Variants in CIPC observed in about 807,000 individuals in gnomAD.
CIPC encodes CLOCK-interacting pacemaker.
A neutral mutation model predicts 26.7 loss-of-function variants in CIPC; 12 were observed. The observed-to-expected ratio is 0.45, with a 90% CI of 0.29 to 0.73. CIPC has a LOEUF of 0.73. CIPC is among the 30% of genes least tolerant of loss of function. CIPC has a pLI of 0.12. For missense variants in CIPC, 417 were observed against 486.5 expected (o/e 0.86, Z 1.34); for synonymous variants, 170 against 189.8 (o/e 0.90, Z 0.86).
intron 2 of CIPC, among the ~76,000 whole-genome samples, chr14:77,108,702 A>G (rs12894900): frequency 4.3e-4 from 66 of 151,906 alleles, no homozygotes; most frequent in Admixed American, 7.2e-4. Flanking sequence ...AAAAAAAAAA[A>G]GGGGGTGATC....
intron 2 of CIPC, 31 bp downstream of exon 2, chr14:77,105,875 G>C (rs759365469): frequency 6.2e-7 from 1 of 1,610,762 alleles, no homozygotes; most frequent in Non-Finnish European, 8.5e-7. Context: ...CCTCTGTTTT[G>C]TGAGTGAATG....
In CIPC at chr14:77,117,225, A is replaced by C. The variant is rs544973150; in HGVS notation, c.*2907A>C. On this transcript the variant is annotated 3_prime_UTR_variant, in exon 4 of 4. Transcript: ENST00000361786. ...ATGTGAATTCTTTTGAGAAAGTATG[A>C]AGTTTTGCAGAAATTGACTGTGAAA... 1 of 152,730 alleles carries C rather than the reference A, an allele frequency of 6.5e-6. No homozygotes were observed. Among genetic ancestry groups the C allele is most frequent in the South Asian group, 2.1e-4 (1 of 4,832 alleles). 9.5% of individuals were successfully genotyped at this position (152,730 alleles called of 1,614,324 possible).
In CIPC at chr14:77,105,688, C is replaced by T. The variant is rs1170060628; in HGVS notation, c.-21C>T. The T allele has an allele frequency of 1.2e-6, 2 of 1,609,396 alleles. No homozygotes were observed. The highest frequency in any genetic ancestry group is 4.5e-5 in the East Asian group (2 of 44,822). ...CCAGATGAAAAGAGTACCAATGAAT[C>T]TGCCTCCAGCTGAATAAACCATGGA... On this transcript the variant is annotated 5_prime_UTR_variant, in exon 2 of 4. Coordinates refer to ENST00000361786, the MANE Select transcript of CIPC (RefSeq NM_033426.3).
Position 77,113,699 on chromosome 14 carries a change from G to A in CIPC, c.581G>A (p.Gly194Glu). The A allele has an allele frequency of 6.2e-7, 1 of 1,612,708 alleles. No individual in the cohort carries two copies. The highest frequency in any genetic ancestry group is 8.5e-7 in the Non-Finnish European group (1 of 1,179,116). Residue 194 changes from glycine (G) to glutamate (E), a missense_variant, in exon 4 of 4, where the codon GGG becomes GAG. Gly to Glu is a moderately conservative substitution (Grantham distance 98). Transcript: ENST00000361786. The stretch of plus-strand genomic sequence containing the variant: ...AAGAAAATCTGTACTGAGAGACTTG[G>A]GCCTAGCTTGTCTTCCAGTGAGCCA... ...VQKKICTERLGPSLSSSEPTK... is the reference protein window; with the variant it reads ...VQKKICTERLEPSLSSSEPTK...
Position 77,105,686 on chromosome 14 carries a change from A to G in CIPC, c.-23A>G, listed in dbSNP as rs1406204176. ...GTCCAGATGAAAAGAGTACCAATGAATCTGCCTCCAGCTGAATAAACCATG... is the reference window on the plus strand; with the variant it reads ...GTCCAGATGAAAAGAGTACCAATGAGTCTGCCTCCAGCTGAATAAACCATG... On this transcript the variant is annotated 5_prime_UTR_variant, in exon 2 of 4. Transcript: ENST00000361786. 2 of 1,609,716 alleles carry G rather than the reference A, an allele frequency of 1.2e-6. No individual in the cohort carries two copies. The highest frequency in any genetic ancestry group is 2.7e-5 in the African/African-American group (2 of 74,586).
rs113529462 is a variant in CIPC at position 77,107,669 on chromosome 14, G to C, written c.136+1825G>C. 5.0e-3 allele frequency among the ~76,000 whole-genome samples: 646 copies of C among 128,724 alleles called. 3 individuals are homozygous for C. The highest frequency in any genetic ancestry group is 7.9e-3 in the Non-Finnish European group (435 of 55,176). 84.4% of individuals were successfully genotyped at this position (128,724 alleles called of 152,430 possible). On this transcript the variant is annotated intron_variant, in intron 2 of 3. Coordinates refer to ENST00000361786, the MANE Select transcript of CIPC (RefSeq NM_033426.3). Reference sequence around the variant, plus strand: ...ACACACACACACACACTCTCTCTCTGAATTATTTGAAAGTAAATTGCAAAC... The same window carrying C: ...ACACACACACACACACTCTCTCTCTCAATTATTTGAAAGTAAATTGCAAAC...
intron 1 of CIPC, 36 bp downstream of exon 1, chr14:77,098,397 G>GC: frequency 6.5e-6 from 1 of 153,154 alleles, no homozygotes; most frequent in Middle Eastern, 3.4e-3. Flanking sequence ...GAGGAGGGGA[G>GC]CAGGGATGAC....
At position 77,117,004 on chromosome 14, in the gene CIPC, T is replaced by C. The variant is rs1421116779; in HGVS notation, c.*2686T>C. On this transcript the variant is annotated 3_prime_UTR_variant, in exon 4 of 4. Transcript: ENST00000361786. ...CATTATTGAAATATATATAGAAAAG[T>C]TGCTGATTGCAATGGTTATGGGAAT... 6.6e-6 allele frequency: 1 copy of C among 152,258 alleles called. No individual in the cohort carries two copies. The highest frequency in any genetic ancestry group is 1.5e-5 in the Non-Finnish European group (1 of 68,042). The allele number at this position is 152,258 out of a possible 1,614,324, so 9.4% of individuals were successfully genotyped here.
chr14:77,110,115 CT>C, intron 3 of CIPC, 134 bp downstream of exon 3: 1 of 790,272 alleles, frequency 1.3e-6, no homozygotes, highest in Non-Finnish European at 2.0e-6. Context: ...CCAATGTGTA[CT>C]TTCTGTCCTG....
rs985747159 is a variant in CIPC at position 77,117,167 on chromosome 14, A to G, written c.*2849A>G. 7 of 152,638 alleles carry G rather than the reference A, an allele frequency of 4.6e-5. No individual in the cohort carries two copies. Among genetic ancestry groups the G allele is most frequent in the South Asian group, 2.1e-4 (1 of 4,836 alleles). The allele number at this position is 152,638 out of a possible 1,614,324, so 9.5% of individuals were successfully genotyped here. ...CATATATTGAAGTGGTTTTTCAGCT[A>G]TGAATTCTTTAGGGTAGAAATTTAT... On this transcript the variant is annotated 3_prime_UTR_variant, in exon 4 of 4. Transcript: ENST00000361786.
At chr14:77,106,888 G>A (rs1026687565) in intron 2 of CIPC, among the ~76,000 whole-genome samples, 1 of 152,186 alleles carries the variant, frequency 6.6e-6, no homozygotes, top group Non-Finnish European at 1.5e-5. Context: ...ACAGTCCAGG[G>A]AAGGGCGGGC....
At chr14:77,101,899 A>G (rs1886493605) in intron 1 of CIPC, among the ~76,000 whole-genome samples, 1 of 152,148 alleles carries the variant, frequency 6.6e-6, no homozygotes, top group Admixed American at 6.5e-5. Flanking sequence ...CAGCTTGGGC[A>G]ACATAGCAAG....
chr14:77,114,092 A>C lies in CIPC; in HGVS notation c.974A>C (p.His325Pro), dbSNP rs368727175. ...TTTCAGAATACCCTAGTAGTCCTAC[A>C]TAAATCTGGTTTGCTGGAGATCACT... is the stretch of plus-strand genomic sequence containing the variant. ...RRFQNTLVVL[H>P]KSGLLEITLK... Residue 325 changes from histidine to proline, a missense_variant, in exon 4 of 4, where the codon CAT becomes CCT. Coordinates refer to ENST00000361786, the MANE Select transcript of CIPC (RefSeq NM_033426.3). 1 of 1,614,034 alleles carries C rather than the reference A, an allele frequency of 6.2e-7. No homozygotes were observed. Among genetic ancestry groups the C allele is most frequent in the Non-Finnish European group, 8.5e-7 (1 of 1,180,042 alleles).
chr14:77,112,629 T>A (rs904699272), intron 3 of CIPC, among the ~76,000 whole-genome samples: 4 of 152,194 alleles, frequency 2.6e-5, no homozygotes, highest in Non-Finnish European at 5.9e-5. Context: ...GTTTTATGAT[T>A]GTTGGATGTC....
intron 1 of CIPC, among the ~76,000 whole-genome samples, chr14:77,103,044 C>T (rs1886522162): frequency 6.6e-6 from 1 of 152,150 alleles, no homozygotes; most frequent in Admixed American, 6.5e-5. Flanking sequence ...CACTGTTTAT[C>T]TTTTATGCAC....
rs771858779 is a variant in CIPC, at chr14:77,113,797, G to A, written c.679G>A (p.Ala227Thr). 5.6e-6 allele frequency: 9 copies of A among 1,614,026 alleles called. No homozygotes were observed. Among genetic ancestry groups the A allele is most frequent in the Non-Finnish European group, 7.6e-6 (9 of 1,180,032 alleles). The change falls in exon 4 of 4, where the codon GCT becomes ACT. Residue 227 changes from alanine to threonine, a missense_variant. Ala to Thr is a moderately conservative substitution (Grantham distance 58, BLOSUM62 0). Transcript: ENST00000361786. ...CAGCGCCAAACTTGCCGAGGACTCA[G>A]CTCTGCAGGGTGTGCCCTCTCTGGT... is the stretch of plus-strand genomic sequence containing the variant. ...PPSAKLAEDS[A>T]LQGVPSLVAG...
At position 77,100,730 on chromosome 14, in the gene CIPC, A is replaced by G. The variant is rs528792985; in HGVS notation, c.-53+2369A>G. 3.3e-5 allele frequency among the ~76,000 whole-genome samples: 5 copies of G among 151,060 alleles called. No individual in the cohort carries two copies. The East Asian group carries it at 9.8e-4, about 29-fold the overall frequency. Reference sequence around the variant, plus strand: ...ATTACAGATGTGTGCCACCACACCCAGCTAATTTTTGTATTTTTAGTAGAG... The same window carrying G: ...ATTACAGATGTGTGCCACCACACCCGGCTAATTTTTGTATTTTTAGTAGAG... On this transcript the variant is annotated intron_variant, in intron 1 of 3. Coordinates refer to ENST00000361786, the MANE Select transcript of CIPC (RefSeq NM_033426.3).
At chr14:77,099,205 A>G (rs1886425350) in intron 1 of CIPC, 1 of 152,328 alleles carries the variant, frequency 6.6e-6, no homozygotes, top group East Asian at 1.9e-4. Context: ...GCGAATGGGT[A>G]GGTGGGCACT....
At chr14:77,113,393 AG>A (rs1886742764) in intron 3 of CIPC, 31 bp from the exon 4 acceptor site, 1 of 1,612,170 alleles carries the variant, frequency 6.2e-7, no homozygotes. Context: ...AGCAGTAATG[AG>A]TAGTGTGCTG....
Sources: gnomAD v4.1 joint callset for allele counts (sites outside exome capture counted in the v4.1 genomes callset) on GRCh38, gnomAD v4.1.1 for gene constraint, MANE v1.5 for transcripts, NCBI Gene and HGNC (gene_info 2026-07-23, HGNC 2026-07-21) for gene names.